TENM3: variants seen among roughly 807,000 people sequenced by gnomAD.
TENM3 encodes the protein teneurin transmembrane protein 3.
A neutral mutation model predicts 255.1 loss-of-function variants in TENM3; 63 were observed. That is an observed-to-expected ratio of 0.25 (90% CI 0.20 to 0.30). The LOEUF is 0.30. Ranked by LOEUF, TENM3 falls within the 10% of genes least tolerant of loss-of-function variation. TENM3 has a pLI of 1.00. For missense variants in TENM3, 2,929 were observed against 3,461.1 expected (o/e 0.85, Z 3.86); for synonymous variants, 1,306 against 1,322.3 (o/e 0.99, Z 0.27).
chr4:181,913,339 G>A, the TENM3 span, among the ~76,000 whole-genome samples: 919 of 152,228 alleles, frequency 6.0e-3, 8 homozygotes, highest in African/African-American at 0.02. Flanking sequence ...GCTCAGTGCC[G>A]CCAAGTGAAA....
the TENM3 span, among the ~76,000 whole-genome samples, chr4:181,839,618 A>G: frequency 6.6e-6 from 1 of 150,454 alleles, no homozygotes; most frequent in Non-Finnish European, 1.5e-5. Flanking sequence ...GGAATTCTTT[A>G]TTTCATCTCA....
At chr4:182,181,186 T>C (rs1476796684) in intron 1 of TENM3, among the ~76,000 whole-genome samples, 1 of 152,200 alleles carries the variant, frequency 6.6e-6, no homozygotes, top group Admixed American at 6.5e-5. Context: ...GCATTCCGTA[T>C]ACATAACTAA....
chr4:182,322,399 T>C (rs1010386925), intron 1 of TENM3, among the ~76,000 whole-genome samples: 21 of 152,192 alleles, frequency 1.4e-4, no homozygotes, highest in Admixed American at 1.4e-3. Flanking sequence ...TATAATTTGG[T>C]TGAAGACATA....
chr4:181,811,604 G>A, the TENM3 span, among the ~76,000 whole-genome samples: 900 of 152,316 alleles, frequency 5.9e-3, 18 homozygotes, highest in African/African-American at 0.02. Context: ...CATGGCTGGG[G>A]AGGCCTCACA....
chr4:181,736,836 A>C, the TENM3 span, among the ~76,000 whole-genome samples: 1 of 152,048 alleles, frequency 6.6e-6, no homozygotes, highest in Non-Finnish European at 1.5e-5. Context: ...GAACTAGTGG[A>C]GGCCCACTGA....
chr4:182,635,513 T>C (rs1463554701), intron 5 of TENM3, among the ~76,000 whole-genome samples: 1 of 152,264 alleles, frequency 6.6e-6, no homozygotes, highest in Non-Finnish European at 1.5e-5. Context: ...TTTAAGGGAC[T>C]GTTTTGCTAA....
intron 22 of TENM3, among the ~76,000 whole-genome samples, chr4:182,759,090 G>C (rs1037731777): frequency 6.6e-6 from 1 of 152,274 alleles, no homozygotes; most frequent in East Asian, 1.9e-4. Flanking sequence ...TTTTAAAAGA[G>C]AATTAGTTGC....
chr4:182,286,129 C>G (rs190746808), intron 1 of TENM3, among the ~76,000 whole-genome samples: 2 of 152,290 alleles, frequency 1.3e-5, no homozygotes, highest in East Asian at 3.9e-4. Context: ...CCCTAAACTG[C>G]AGGGCATGTT....
At chr4:182,427,607 A>G (rs1561435524) in intron 3 of TENM3, among the ~76,000 whole-genome samples, 1 of 152,226 alleles carries the variant, frequency 6.6e-6, no homozygotes, top group Non-Finnish European at 1.5e-5. Flanking sequence ...ATGGCTATAG[A>G]AAATGACATA....
the TENM3 span, among the ~76,000 whole-genome samples, chr4:181,579,623 T>C: frequency 6.6e-6 from 1 of 152,182 alleles, no homozygotes; most frequent in Non-Finnish European, 1.5e-5. Context: ...AATTTTGAAA[T>C]GTAAATTATC....
At chr4:181,720,327 T>C in the TENM3 span, among the ~76,000 whole-genome samples, 1 of 152,214 alleles carries the variant, frequency 6.6e-6, no homozygotes, top group Non-Finnish European at 1.5e-5. Flanking sequence ...TCTAAGCCAA[T>C]ATTATAATTC....
chr4:181,621,917 C>T, the TENM3 span, among the ~76,000 whole-genome samples: 2 of 152,170 alleles, frequency 1.3e-5, no homozygotes, highest in African/African-American at 4.8e-5. Flanking sequence ...GAGTATCATT[C>T]TCTTTCTCAC....
intron 1 of TENM3, among the ~76,000 whole-genome samples, chr4:182,285,477 G>A (rs1018049449): frequency 1.3e-5 from 2 of 152,146 alleles, no homozygotes; most frequent in Admixed American, 1.3e-4. Context: ...GAAACTATAA[G>A]ACCAGGTTCT....
At chr4:182,417,063 T>G (rs886336488) in intron 3 of TENM3, among the ~76,000 whole-genome samples, 8 of 152,122 alleles carry the variant, frequency 5.3e-5, no homozygotes, top group African/African-American at 1.9e-4. Context: ...AAGCTCCGCC[T>G]CCCGGGTTCA....
chr4:182,483,095 A>G (rs555943445), intron 3 of TENM3, among the ~76,000 whole-genome samples: 8 of 152,236 alleles, frequency 5.3e-5, no homozygotes, highest in African/African-American at 1.9e-4. Flanking sequence ...CCACAATTTC[A>G]TATTCAAGCT....
the TENM3 span, among the ~76,000 whole-genome samples, chr4:182,116,689 G>C: frequency 6.6e-6 from 1 of 152,170 alleles, no homozygotes; most frequent in African/African-American, 2.4e-5. Context: ...CTTCACAGCA[G>C]CGTGAGAACA....
At chr4:181,636,824 G>A in the TENM3 span, among the ~76,000 whole-genome samples, 1 of 152,152 alleles carries the variant, frequency 6.6e-6, no homozygotes, top group Admixed American at 6.5e-5. Flanking sequence ...CTTCTGTTTA[G>A]AGCCCCTGAT....
chr4:182,746,825 G>T (rs1168048127), intron 19 of TENM3, among the ~76,000 whole-genome samples: 1 of 152,188 alleles, frequency 6.6e-6, no homozygotes, highest in Non-Finnish European at 1.5e-5. Flanking sequence ...AGAGGAAGAT[G>T]TAGAGAATGT....
At chr4:181,693,209 A>T in the TENM3 span, among the ~76,000 whole-genome samples, 2 of 152,222 alleles carry the variant, frequency 1.3e-5, no homozygotes, top group African/African-American at 2.4e-5. Context: ...ATCTGTAAAG[A>T]AGTGCACTGT....
Sources: gnomAD v4.1 joint callset for allele counts (sites outside exome capture counted in the v4.1 genomes callset) on GRCh38, gnomAD v4.1.1 for gene constraint, MANE v1.5 for transcripts, NCBI Gene and HGNC (gene_info 2026-07-23, HGNC 2026-07-21) for gene names.